COL20A1: variants seen among roughly 807,000 people sequenced by gnomAD.
COL20A1 encodes the protein collagen alpha-1(XX) chain.
A neutral mutation model predicts 152.9 loss-of-function variants in COL20A1; 164 were observed. The ratio of observed to expected loss-of-function variants is 1.07; its 90% confidence interval spans 0.94 to 1.22. COL20A1 has a LOEUF of 1.22. COL20A1 is among the 50% of genes most tolerant of loss of function. COL20A1 has a pLI of 0.00. For missense variants in COL20A1, 1,873 were observed against 1,744.8 expected (o/e 1.07, Z -1.31); for synonymous variants, 864 against 756.0 (o/e 1.14, Z -2.34).
rs1041866441 is a variant in COL20A1 at position 63,313,066 on chromosome 20, A to T, written c.2077-51A>T. 6.3e-7 allele frequency: 1 copy of T among 1,576,172 alleles called. No individual in the cohort carries two copies. The highest frequency in any genetic ancestry group is 1.4e-5 in the African/African-American group (1 of 73,926). On this transcript the variant is annotated intron_variant, in intron 16 of 35. Coordinates refer to ENST00000358894, the MANE Select transcript of COL20A1 (RefSeq NM_020882.4). The surrounding 1 kb of genome is among the most constrained non-coding windows in gnomAD (Gnocchi z 5.9). ...GGATGCCTCACTGCCCGGCCCCCCA[A>T]CCTGAGGACCCCACTGCACCCGGTG...
rs1010044316 is a variant in COL20A1, at chr20:63,328,390, G to C, written c.3673G>C (p.Glu1225Gln). 4.3e-6 allele frequency: 7 copies of C among 1,612,540 alleles called. No homozygotes were observed. In the Admixed American group the frequency reaches 1.0e-4, roughly 23 times the overall value. ...CACCAGGCCCCCCATGCCCATCTTGGAGCAGAAGCTGGAGCCGGGCACTGA... is the reference window on the plus strand; with the variant it reads ...CACCAGGCCCCCCATGCCCATCTTGCAGCAGAAGCTGGAGCCGGGCACTGA... ...ENTRPPMPIL[E>Q]QKLEPGTEPL... Residue 1225 changes from glutamate (E) to glutamine (Q), a missense_variant, in exon 34 of 36, where the codon GAG becomes CAG. Transcript: ENST00000358894.
rs2067952786 is a variant in COL20A1, at chr20:63,308,084, TTC to T, written c.770_771del (p.Phe257TyrfsTer63). ...RRLRYKGGNT[F>X]TGLALTHVLG... is the part of the protein sequence containing the mutation. ...CCTCCGCTACAAGGGGGGGAACACG[TTC>T]ACAGGTACGGCCCAGGCCTGCCCCT... On this transcript the variant is annotated frameshift_variant, in exon 7 of 36. Transcript: ENST00000358894. LOFTEE classifies it high-confidence loss of function. The T allele has an allele frequency of 6.2e-7, 1 of 1,606,626 alleles. No homozygotes were observed. The highest frequency in any genetic ancestry group is 8.5e-7 in the Non-Finnish European group (1 of 1,179,658).
At chr20:63,301,947 C>T (rs1268291719) in intron 3 of COL20A1, among the ~76,000 whole-genome samples, 2 of 152,002 alleles carry the variant, frequency 1.3e-5, no homozygotes, top group African/African-American at 2.4e-5. Flanking sequence ...TTTTATTACA[C>T]TTGTTATAAG....
At chr20:63,300,164 C>T (rs972512101) in intron 3 of COL20A1, among the ~76,000 whole-genome samples, 2 of 152,106 alleles carry the variant, frequency 1.3e-5, no homozygotes, top group African/African-American at 2.4e-5. Context: ...GAATATTGGC[C>T]AATAACTACC....
chr20:63,321,836 C>T (rs973468778), intron 26 of COL20A1, among the ~76,000 whole-genome samples: 4 of 151,864 alleles, frequency 2.6e-5, no homozygotes, highest in South Asian at 2.1e-4. Flanking sequence ...CTCAGGGGGC[C>T]GGGGTTTGAA....
chr20:63,315,477 A>T, intron 20 of COL20A1, 38 bp downstream of exon 20: 1 of 1,538,054 alleles, frequency 6.5e-7, no homozygotes, highest in South Asian at 1.2e-5. Context: ...GCCCACCCAC[A>T]GTCTCTCGGG....
chr20:63,305,455 C>T lies in COL20A1; in HGVS notation c.232C>T (p.Pro78Ser), dbSNP rs748884151. The change falls in exon 4 of 36, where the codon CCT (proline) becomes TCT (serine). Residue 78 changes from proline (P) to serine (S), a missense_variant. By Grantham distance (74) the Pro-to-Ser change is moderately conservative. Coordinates refer to ENST00000358894, the MANE Select transcript of COL20A1 (RefSeq NM_020882.4). The surrounding 1 kb of genome is among the most constrained non-coding windows in gnomAD (Gnocchi z 4.9). ...GGAGGTGATACTGACCACCAAGACC[C>T]CTAAGGCCACAGTGGGGGGCCTGAG... Reference protein sequence around the residue: ...EQEVILTTKTPKATVGGLSPS... With the variant: ...EQEVILTTKTSKATVGGLSPS... 15 of 1,602,320 alleles carry T rather than the reference C, an allele frequency of 9.4e-6. No individual in the cohort carries two copies. The highest frequency in any genetic ancestry group is 1.3e-5 in the Non-Finnish European group (15 of 1,175,460).
At chr20:63,315,596 C>G (rs979332296) in intron 20 of COL20A1, among the ~76,000 whole-genome samples, 157 bp downstream of exon 20, 10 of 152,344 alleles carry the variant, frequency 6.6e-5, no homozygotes, top group Non-Finnish European at 1.5e-4. Context: ...CTGTGGCTGG[C>G]TGGGCGGTGG....
At chr20:63,298,593 T>G (rs1260393808) in intron 3 of COL20A1, among the ~76,000 whole-genome samples, 2 of 152,150 alleles carry the variant, frequency 1.3e-5, no homozygotes, top group Admixed American at 1.3e-4. Context: ...CGGTCCATAT[T>G]TTTTAAAGAA....
chr20:63,327,177 A>AGGGACTTCCTGTTGACGGCCCG (rs2068263627), intron 31 of COL20A1: 3 of 228,342 alleles, frequency 1.3e-5, no homozygotes, highest in East Asian at 2.0e-4. Flanking sequence ...TTTACCACTC[A>AGGGACTTCCTGTTGACGGCCCG]GGGACTTCCT....
chr20:63,305,846 C>T lies in COL20A1; in HGVS notation c.338-35C>T. On this transcript the variant is annotated intron_variant, in intron 4 of 35. Coordinates refer to ENST00000358894, the MANE Select transcript of COL20A1 (RefSeq NM_020882.4). This position sits in a 1 kb window ranked among gnomAD's most constrained non-coding sequence, Gnocchi z 4.9. ...CTGCCCCAGTGGACCAGGCCCTCCACTCCCACCCTGATGGCTCTTTGTGTC... is the reference window on the plus strand; with the variant it reads ...CTGCCCCAGTGGACCAGGCCCTCCATTCCCACCCTGATGGCTCTTTGTGTC... 1.2e-6 allele frequency: 2 copies of T among 1,609,692 alleles called. No individual in the cohort carries two copies. Among genetic ancestry groups the T allele is most frequent in the Middle Eastern group, 1.7e-4 (1 of 6,016 alleles).
chr20:63,295,371 T>C (rs4809523), intron 2 of COL20A1, among the ~76,000 whole-genome samples, 182 bp downstream of exon 2: 9,091 of 152,312 alleles, frequency 0.06, 338 homozygotes, highest in Middle Eastern at 0.11. Context: ...CCGCCAAACC[T>C]TCAGCCTCGC....
chr20:63,315,003 T>G (rs2068066777), intron 19 of COL20A1, among the ~76,000 whole-genome samples: 1 of 147,678 alleles, frequency 6.8e-6, no homozygotes, highest in African/African-American at 2.5e-5. Context: ...ACACCAGGCA[T>G]CTCCCTGGCC....
In COL20A1 at chr20:63,309,900, T is replaced by C. The variant is rs1274694952; in HGVS notation, c.1248T>C (p.Gly416=). 1 of 1,601,926 alleles carries C rather than the reference T, an allele frequency of 6.2e-7. No individual in the cohort carries two copies. Among genetic ancestry groups the C allele is most frequent in the Non-Finnish European group, 8.5e-7 (1 of 1,174,546 alleles). ...TGATCGTTTGGCGAGCCTCTAGAGG[T>C]GGCACCCCCAGGGAGGTGAGGGGGC... is the stretch of plus-strand genomic sequence containing the variant. ...KYLIVWRASR[G]GTPREVVVEG... The change falls in exon 10 of 36, where the codon GGT becomes GGC. Residue 416 remains glycine, a synonymous_variant. Coordinates refer to ENST00000358894, the MANE Select transcript of COL20A1 (RefSeq NM_020882.4).
In COL20A1 at chr20:63,326,022, T is replaced by TG. The variant is rs909987535; in HGVS notation, c.3403-68dup. Reference sequence around the variant, plus strand: ...GGTTACAGGGTGTGTTGGGTGCTGCTGGGGGGCTGTCACCATGGGAGGGCT... The same window carrying TG: ...GGTTACAGGGTGTGTTGGGTGCTGCTGGGGGGGCTGTCACCATGGGAGGGCT... On this transcript the variant is annotated intron_variant, in intron 29 of 35. Coordinates refer to ENST00000358894, the MANE Select transcript of COL20A1 (RefSeq NM_020882.4). 1.4e-4 allele frequency: 184 copies of TG among 1,335,614 alleles called. 1 individual carries two copies. The highest frequency in any genetic ancestry group is 1.8e-4 in the Non-Finnish European group (163 of 928,010). 82.7% of individuals were successfully genotyped at this position (1,335,614 alleles called of 1,614,324 possible). A position where few individuals can be genotyped will look rare whatever the true frequency, so the allele number is the denominator to read the frequency against.
chr20:63,299,810 AATATATAC>A (rs768246494), intron 3 of COL20A1, among the ~76,000 whole-genome samples: 60 of 151,652 alleles, frequency 4.0e-4, no homozygotes, highest in African/African-American at 1.2e-3. Context: ...TATTAAACAT[AATATATAC>A]ATATATACAT....
Position 63,308,048 on chromosome 20 carries a change from G to A in COL20A1, c.733G>A (p.Ala245Thr), listed in dbSNP as rs2067951201. 1 of 1,612,376 alleles carries A rather than the reference G, an allele frequency of 6.2e-7. No individual in the cohort carries two copies. The highest frequency in any genetic ancestry group is 1.7e-5 in the Admixed American group (1 of 59,990). ...CAGCACCAAGGAACAGGTGCTGGCA[G>A]CTGTGCGCCGCCTCCGCTACAAGGG... is the stretch of plus-strand genomic sequence containing the variant. ...SLSTKEQVLA[A>T]VRRLRYKGGN... The change falls in exon 7 of 36, where the codon GCT becomes ACT. Residue 245 changes from alanine to threonine, a missense_variant. Ala to Thr is a moderately conservative substitution (Grantham distance 58, BLOSUM62 0). Coordinates refer to ENST00000358894, the MANE Select transcript of COL20A1 (RefSeq NM_020882.4).
chr20:63,298,119 C>A (rs2067822328), intron 3 of COL20A1, 99 bp downstream of exon 3: 3 of 723,362 alleles, frequency 4.1e-6, no homozygotes, highest in Non-Finnish European at 6.9e-6. Context: ...CAGCATCCCT[C>A]CCACCAGCCC....
chr20:63,308,851 G>T (rs113901451), intron 8 of COL20A1, 145 bp downstream of exon 8: 6 of 778,842 alleles, frequency 7.7e-6, no homozygotes, highest in Admixed American at 6.5e-5. Flanking sequence ...GCCAGGCACC[G>T]CCTGGCACTC....
Sources: allele counts gnomAD v4.1 joint callset (sites outside exome capture counted in the v4.1 genomes callset), GRCh38; gene constraint gnomAD v4.1.1; non-coding constraint Gnocchi (gnomAD v3.1); transcripts MANE v1.5; gene names NCBI Gene and HGNC (gene_info 2026-07-23, HGNC 2026-07-21).